Variants in FMN1 observed in about 807,000 individuals in gnomAD.
FMN1 encodes the protein formin-1.
Under a neutral mutation model 132.4 loss-of-function variants are expected in FMN1, and 110 were observed. The observed-to-expected ratio is 0.83, with a 90% CI of 0.71 to 0.97. The LOEUF (loss-of-function observed/expected upper bound fraction) is 0.97, where lower values mean the gene tolerates loss of function less well. Among genes scored for constraint, FMN1 ranks in the 50% least tolerant of loss-of-function variants. The pLI is 0.00. For synonymous variants in FMN1, 722 were observed against 651.7 expected (o/e 1.11, Z -1.64); for missense variants, 1,792 against 1,705.3 (o/e 1.05, Z -0.90).
intron 5 of FMN1, chr15:33,066,470 A>G: frequency 7.1e-7 from 1 of 1,415,714 alleles, no homozygotes; most frequent in Non-Finnish European, 9.4e-7. Flanking sequence ...ATACAGCAGC[A>G]CCATATTTTA....
intron 9 of FMN1, among the ~76,000 whole-genome samples, chr15:32,929,162 G>C (rs11633554): frequency 0.26 from 38,918 of 152,070 alleles, 5,284 homozygotes; most frequent in Non-Finnish European, 0.31. Flanking sequence ...AAAGGGGCTG[G>C]GGGCAGCTAA....
At chr15:33,069,138 C>T (rs2037884418) in intron 5 of FMN1, among the ~76,000 whole-genome samples, 2 of 152,204 alleles carry the variant, frequency 1.3e-5, no homozygotes, top group African/African-American at 4.8e-5. Context: ...CCCAATTTGC[C>T]TCAACAAAAA....
intron 6 of FMN1, among the ~76,000 whole-genome samples, chr15:33,023,799 G>A (rs1218716306): frequency 1.3e-5 from 2 of 152,108 alleles, no homozygotes; most frequent in East Asian, 1.9e-4. Flanking sequence ...AACATAATAC[G>A]TGATTTGAGG....
Position 33,114,557 on chromosome 15 carries a change from T to C in FMN1, c.1868-25583A>G, listed in dbSNP as rs148034602. On this transcript the variant is annotated intron_variant, in intron 4 of 20. Coordinates refer to ENST00000616417, the MANE Select transcript of FMN1 (RefSeq NM_001277313.2). ...TTTGAATCATCCAGTCGCTTGTTTGTGTACCCAAGAACACCACGCAAACGC... is the reference window on the plus strand; with the variant it reads ...TTTGAATCATCCAGTCGCTTGTTTGCGTACCCAAGAACACCACGCAAACGC... Among the ~76,000 whole-genome samples the C allele has an allele frequency of 1.2e-4, 18 of 152,324 alleles. No homozygotes were observed. The East Asian group carries it at 2.9e-3, about 25-fold the overall frequency.
At chr15:33,046,170 G>T (rs1315298769) in intron 6 of FMN1, among the ~76,000 whole-genome samples, 1 of 152,060 alleles carries the variant, frequency 6.6e-6, no homozygotes, top group Admixed American at 6.6e-5. Context: ...GAATAAAAAT[G>T]TCCTCATGTC....
At chr15:32,892,417 C>A (rs2060053576) in intron 15 of FMN1, among the ~76,000 whole-genome samples, 3 of 152,088 alleles carry the variant, frequency 2.0e-5, no homozygotes, top group Admixed American at 2.0e-4. Context: ...CCCACTTGAT[C>A]CTGGTGGATT....
At chr15:32,995,347 G>C (rs2033701146) in intron 7 of FMN1, among the ~76,000 whole-genome samples, 1 of 152,106 alleles carries the variant, frequency 6.6e-6, no homozygotes, top group South Asian at 2.1e-4. Context: ...TCTATAAAAA[G>C]TTGATAATTT....
chr15:32,805,281 T>C (rs2057638232), intron 17 of FMN1, among the ~76,000 whole-genome samples: 1 of 152,236 alleles, frequency 6.6e-6, no homozygotes. Context: ...TTTTTTCATG[T>C]GTCTATTGGC....
chr15:32,883,592 T>C (rs1230154062), intron 16 of FMN1, among the ~76,000 whole-genome samples: 1 of 139,784 alleles, frequency 7.2e-6, no homozygotes, highest in African/African-American at 2.7e-5. Flanking sequence ...TTCTGCTAAG[T>C]CAGACCTGCC....
intron 9 of FMN1, among the ~76,000 whole-genome samples, chr15:32,938,005 A>C (rs8023996): frequency 0.011 from 1,748 of 152,332 alleles, 36 homozygotes; most frequent in African/African-American, 0.04. Flanking sequence ...AAATTGGGCT[A>C]GCAGGGTGTG....
At chr15:33,110,665 A>G (rs2039666640) in intron 4 of FMN1, among the ~76,000 whole-genome samples, 1 of 148,810 alleles carries the variant, frequency 6.7e-6, no homozygotes, top group South Asian at 2.2e-4. Flanking sequence ...ATTTGATTAT[A>G]TTCAGATTAA....
At chr15:32,875,997 G>C (rs966357173) in intron 16 of FMN1, among the ~76,000 whole-genome samples, 1 of 152,014 alleles carries the variant, frequency 6.6e-6, no homozygotes. Flanking sequence ...CTACTCACTT[G>C]GGAGGATGAA....
At chr15:32,894,928 A>AG (rs1413771204) in intron 15 of FMN1, among the ~76,000 whole-genome samples, 4 of 152,198 alleles carry the variant, frequency 2.6e-5, no homozygotes, top group African/African-American at 9.6e-5. Flanking sequence ...AATTAAAAGC[A>AG]GATCAAAATT....
intron 16 of FMN1, among the ~76,000 whole-genome samples, chr15:32,872,707 T>C (rs1048214747): frequency 4.6e-5 from 7 of 152,306 alleles, no homozygotes; most frequent in African/African-American, 1.2e-4. Flanking sequence ...AAGAGGCCAG[T>C]GATTAAGATA....
chr15:32,969,575 A>G, intron 7 of FMN1, 98 bp from the exon 8 acceptor site: 1 of 1,306,702 alleles, frequency 7.7e-7, no homozygotes, highest in Non-Finnish European at 1.1e-6. Context: ...CCACTGTAGC[A>G]TGGCCCACAT....
chr15:33,082,632 T>C (rs992327468), intron 5 of FMN1, among the ~76,000 whole-genome samples: 24 of 152,276 alleles, frequency 1.6e-4, no homozygotes, highest in African/African-American at 5.8e-4. Context: ...CTTTGATAAA[T>C]CTGGTTGAAA....
At chr15:32,862,230 CG>C (rs1389771845) in intron 16 of FMN1, among the ~76,000 whole-genome samples, 15 of 151,874 alleles carry the variant, frequency 9.9e-5, no homozygotes, top group African/African-American at 3.1e-4. Flanking sequence ...ACTGTTCAAC[CG>C]GAAGACTCGC....
intron 18 of FMN1, among the ~76,000 whole-genome samples, chr15:32,803,737 C>T (rs1276174882): frequency 2.0e-5 from 3 of 152,030 alleles, no homozygotes; most frequent in Non-Finnish European, 4.4e-5. Flanking sequence ...GTTGTAATGC[C>T]AGGAAGGATC....
chr15:33,024,223 A>ATTTTTTTTTTTTTTTT lies in FMN1; in HGVS notation c.2162-16164_2162-16149dup, dbSNP rs555760509. Among the ~76,000 whole-genome samples, 18 of 88,016 alleles carry ATTTTTTTTTTTTTTTT rather than the reference A, an allele frequency of 2.0e-4. 2 individuals carry two copies. Among genetic ancestry groups the ATTTTTTTTTTTTTTTT allele is most frequent in the East Asian group, 4.8e-4 (1 of 2,086 alleles). 57.7% of individuals were successfully genotyped at this position (88,016 alleles called of 152,430 possible). On this transcript the variant is annotated intron_variant, in intron 6 of 20. Transcript: ENST00000616417. ...GGGAATACTATTTCACACCTATCAG[A>ATTTTTTTTTTTTTTTT]TTTTTTTTTTTTTTTTTTTTTTTTT... is the stretch of plus-strand genomic sequence containing the variant.
Sources: gnomAD v4.1 joint callset for allele counts (sites outside exome capture counted in the v4.1 genomes callset) on GRCh38, gnomAD v4.1.1 for gene constraint, MANE v1.5 for transcripts, NCBI Gene and HGNC (gene_info 2026-07-23, HGNC 2026-07-21) for gene names.